The following ADGRV1 variants were observed in gnomAD, a reference collection of about 807,000 sequenced individuals.
ADGRV1 encodes the protein adhesion G protein-coupled receptor V1, also known as G-protein coupled receptor 98.
Under a neutral mutation model 596.2 loss-of-function variants are expected in ADGRV1, and 359 were observed. The observed-to-expected ratio is 0.60, with a 90% CI of 0.55 to 0.66. The LOEUF is 0.66. Ranked by LOEUF, ADGRV1 falls within the 30% of genes least tolerant of loss-of-function variation. ADGRV1 has a pLI of 0.00. For missense variants in ADGRV1, 7,274 were observed against 7,575.6 expected (o/e 0.96, Z 1.48); for synonymous variants, 2,681 against 2,679.2 (o/e 1.00, Z -0.02).
intron 87 of ADGRV1, among the ~76,000 whole-genome samples, chr5:91,139,310 T>G (rs1290103246): frequency 6.6e-6 from 1 of 152,210 alleles, no homozygotes; most frequent in African/African-American, 2.4e-5. Flanking sequence ...TTTCCTGTTA[T>G]TTGCAGCATA....
intron 79 of ADGRV1, among the ~76,000 whole-genome samples, chr5:90,852,023 G>A (rs138846780): frequency 0.01 from 1,531 of 152,254 alleles, 16 homozygotes; most frequent in Middle Eastern, 0.02. Flanking sequence ...CATTGAAGAT[G>A]TGGTGACTTC....
At chr5:91,001,016 T>C (rs1454620968) in intron 85 of ADGRV1, among the ~76,000 whole-genome samples, 1 of 152,156 alleles carries the variant, frequency 6.6e-6, no homozygotes, top group Non-Finnish European at 1.5e-5. Flanking sequence ...AAACCATTCT[T>C]ACAAAAAACA....
Position 90,692,823 on chromosome 5 carries a change from G to A in ADGRV1, c.7133+37G>A, listed in dbSNP as rs745359104. 4 of 1,490,712 alleles carry A rather than the reference G, an allele frequency of 2.7e-6. No homozygotes were observed. In the South Asian group the frequency reaches 4.0e-5, roughly 15 times the overall value. 92.3% of individuals were successfully genotyped at this position (1,490,712 alleles called of 1,614,324 possible). A position where few individuals can be genotyped will look rare whatever the true frequency, so the allele number is the denominator to read the frequency against. On this transcript the variant is annotated intron_variant, in intron 32 of 89. Transcript: ENST00000405460. ...AGCTACTTGCCTCTGTGGGAGTGATGAGAATTGTGGGGTGGTGGGGAAGGA... is the reference window on the plus strand; with the variant it reads ...AGCTACTTGCCTCTGTGGGAGTGATAAGAATTGTGGGGTGGTGGGGAAGGA...
intron 1 of ADGRV1, among the ~76,000 whole-genome samples, chr5:90,588,553 A>G (rs1174676520): frequency 6.6e-6 from 1 of 152,196 alleles, no homozygotes; most frequent in East Asian, 1.9e-4. Flanking sequence ...GAGAAGTGAT[A>G]CGTCCCATGA....
chr5:90,650,376 T>G (rs1768418061), intron 17 of ADGRV1, among the ~76,000 whole-genome samples: 1 of 152,232 alleles, frequency 6.6e-6, no homozygotes, highest in Non-Finnish European at 1.5e-5. Flanking sequence ...TATTATTTAT[T>G]TTTGTTAGAT....
In ADGRV1 at chr5:91,068,207, A is replaced by G. The variant is rs537760546; in HGVS notation, c.18153-4240A>G. 1.2e-4 allele frequency among the ~76,000 whole-genome samples: 18 copies of G among 152,284 alleles called. No individual in the cohort carries two copies. In the South Asian group the frequency reaches 3.7e-3, roughly 32 times the overall value. ...TGCAGTGGCTCACGCCTATAAACCC[A>G]GCACTTTGGGAGGCCAGGGCAGGTG... On this transcript the variant is annotated intron_variant, in intron 85 of 89. Coordinates refer to ENST00000405460, the MANE Select transcript of ADGRV1 (RefSeq NM_032119.4).
intron 87 of ADGRV1, among the ~76,000 whole-genome samples, chr5:91,137,161 C>T (rs1794709615): frequency 1.3e-5 from 2 of 151,022 alleles, no homozygotes; most frequent in South Asian, 2.1e-4. Context: ...TTTTTTTTCA[C>T]TGTGACCTTG....
chr5:90,895,475 G>GA (rs1290175257), intron 83 of ADGRV1, among the ~76,000 whole-genome samples: 1 of 152,168 alleles, frequency 6.6e-6, no homozygotes, highest in Non-Finnish European at 1.5e-5. Flanking sequence ...CCAGAGGCCT[G>GA]AAAAAGCTTG....
intron 83 of ADGRV1, among the ~76,000 whole-genome samples, chr5:90,893,083 A>G (rs547618361): frequency 6.6e-6 from 1 of 152,132 alleles, no homozygotes. Flanking sequence ...TGGCTTTGCT[A>G]GGGAGTTTTG....
chr5:90,691,365 G>T (rs1432717818), intron 31 of ADGRV1, among the ~76,000 whole-genome samples: 2 of 147,400 alleles, frequency 1.4e-5, no homozygotes, highest in Non-Finnish European at 3.0e-5. Context: ...TAATACATTT[G>T]CTCTGTATAA....
intron 83 of ADGRV1, among the ~76,000 whole-genome samples, chr5:90,935,470 G>A (rs1038286408): frequency 2.0e-5 from 3 of 152,124 alleles, no homozygotes; most frequent in African/African-American, 4.8e-5. Context: ...TGGCAGAGGG[G>A]AATAGTTGTA....
At chr5:91,099,494 G>A (rs1791178493) in intron 86 of ADGRV1, among the ~76,000 whole-genome samples, 1 of 152,228 alleles carries the variant, frequency 6.6e-6, no homozygotes, top group African/African-American at 2.4e-5. Context: ...GTGCTGCCCA[G>A]CTGGAATTGT....
At chr5:90,713,282 T>G (rs1749633750) in intron 42 of ADGRV1, among the ~76,000 whole-genome samples, 1 of 151,906 alleles carries the variant, frequency 6.6e-6, no homozygotes, top group Non-Finnish European at 1.5e-5. Context: ...CAAGGATTGG[T>G]TTTTACTTTT....
At chr5:90,652,905 T>G (rs769184789) in intron 19 of ADGRV1, among the ~76,000 whole-genome samples, 6 of 152,212 alleles carry the variant, frequency 3.9e-5, no homozygotes, top group Non-Finnish European at 7.3e-5. Context: ...TTGATCTTTG[T>G]GTCATAATTT....
intron 69 of ADGRV1, among the ~76,000 whole-genome samples, chr5:90,790,314 C>A (rs1759922757): frequency 6.6e-6 from 1 of 152,106 alleles, no homozygotes; most frequent in Non-Finnish European, 1.5e-5. Flanking sequence ...ATTAACAGAT[C>A]AAGGTAATTT....
At chr5:91,162,111 A>G (rs554596272) in intron 89 of ADGRV1, among the ~76,000 whole-genome samples, 3 of 152,324 alleles carry the variant, frequency 2.0e-5, no homozygotes, top group South Asian at 4.1e-4. Context: ...GGAATACAGA[A>G]CAGACCAGAG....
chr5:90,772,611 G>A (rs1383206824), intron 59 of ADGRV1, among the ~76,000 whole-genome samples: 2 of 152,126 alleles, frequency 1.3e-5, no homozygotes, highest in African/African-American at 4.8e-5. Context: ...ATATGTACAT[G>A]TCTGCAAATT....
intron 89 of ADGRV1, among the ~76,000 whole-genome samples, chr5:91,161,147 A>G (rs924891643): frequency 6.6e-6 from 1 of 152,096 alleles, no homozygotes; most frequent in African/African-American, 2.4e-5. Context: ...GTTCCTCCCT[A>G]GTGCTTCCAT....
rs1490122082 is a variant in ADGRV1, at chr5:90,643,928, T to A, written c.2679T>A (p.Val893=). 1 of 1,612,578 alleles carries A rather than the reference T, an allele frequency of 6.2e-7. No homozygotes were observed. The highest frequency in any genetic ancestry group is 1.7e-5 in the Admixed American group (1 of 59,906). Residue 893 remains valine, a synonymous_variant, in exon 14 of 90, where the codon GTT becomes GTA. Transcript: ENST00000405460. ...ATCCTCATGGCATTATAGAATTTGT[T>A]TCTGATGGTCTAATTGTGATGATAA... ...NDDPHGIIEF[V]SDGLIVMINE... is the part of the protein sequence containing the mutation.
Sources: allele counts gnomAD v4.1 joint callset (sites outside exome capture counted in the v4.1 genomes callset), GRCh38; gene constraint gnomAD v4.1.1; transcripts MANE v1.5; gene names NCBI Gene and HGNC (gene_info 2026-07-23, HGNC 2026-07-21).